SIL1: variants seen among roughly 807,000 people sequenced by gnomAD.
The protein encoded by SIL1 is SIL1 nucleotide exchange factor, also known as nucleotide exchange factor SIL1.
A neutral mutation model predicts 49.1 loss-of-function variants in SIL1; 40 were observed. The ratio of observed to expected loss-of-function variants is 0.81; its 90% CI spans 0.63 to 1.06. The LOEUF (loss-of-function observed/expected upper bound fraction) is 1.06, where lower values mean the gene tolerates loss of function less well. Ranked by LOEUF, SIL1 falls within the 50% of genes least tolerant of loss-of-function variation. The pLI, the probability that SIL1 is intolerant of heterozygous loss-of-function variation, is 0.00. For missense variants in SIL1, 500 were observed against 572.6 expected (o/e 0.87, Z 1.29); for synonymous variants, 253 against 250.8 (o/e 1.01, Z -0.08).
chr5:139,105,020 T>A (rs760982940), intron 3 of SIL1, among the ~76,000 whole-genome samples: 1 of 151,824 alleles, frequency 6.6e-6, no homozygotes, highest in Non-Finnish European at 1.5e-5. Context: ...GCACACGCAA[T>A]GAGGGGAGCA....
chr5:139,056,546 T>TG lies in SIL1; in HGVS notation c.245-5501dup, dbSNP rs1221053820. 1.3e-3 allele frequency among the ~76,000 whole-genome samples: 168 copies of TG among 124,608 alleles called. 1 individual carries two copies. Among genetic ancestry groups the TG allele is most frequent in the African/African-American group, 7.7e-4 (25 of 32,454 alleles). The allele number at this position is 124,608 out of a possible 152,430, so 81.7% of individuals were successfully genotyped here. A position where few individuals can be genotyped will look rare whatever the true frequency, so the allele number is the denominator to read the frequency against. ...CCAGCCGCCCCGTCCGGGAGGGAGGTGGGGGGGTCAGCCCCCCGACCGGCC... is the reference window on the plus strand; with the variant it reads ...CCAGCCGCCCCGTCCGGGAGGGAGGTGGGGGGGGTCAGCCCCCCGACCGGCC... On this transcript the variant is annotated intron_variant, in intron 3 of 9. Transcript: ENST00000394817.
At position 139,171,260 on chromosome 5, in the gene SIL1, G is replaced by T. The variant is rs931239095; in HGVS notation, c.-11+27009C>A. On this transcript the variant is annotated intron_variant, in intron 1 of 9. Coordinates refer to ENST00000394817, the MANE Select transcript of SIL1 (RefSeq NM_022464.5). ...AATGGCGGTTTTGTGGAATAGAAAG[G>T]GGGGAAAGGTGGGGAAAAGATTGAG... Among the ~76,000 whole-genome samples the T allele has an allele frequency of 8.3e-3, 1,260 of 152,208 alleles. 14 individuals are homozygous for T. Among genetic ancestry groups the T allele is most frequent in the African/African-American group, 0.028 (1,181 of 41,524 alleles).
At chr5:138,969,062 G>C (rs1357828822) in intron 7 of SIL1, among the ~76,000 whole-genome samples, 1 of 152,078 alleles carries the variant, frequency 6.6e-6, no homozygotes, top group Non-Finnish European at 1.5e-5. Context: ...AGGAATGTCT[G>C]TATTTGCTCA....
At position 138,947,310 on chromosome 5, in the gene SIL1, A is replaced by C; in HGVS notation, c.1193T>G (p.Leu398Arg). Residue 398 changes from leucine (L) to arginine (R), a missense_variant, in exon 10 of 10, where the codon CTG (leucine) becomes CGG (arginine). Physicochemically the swap from Leu to Arg is moderately radical, Grantham distance 102 (BLOSUM62 -2). Coordinates refer to ENST00000394817, the MANE Select transcript of SIL1 (RefSeq NM_022464.5). The surrounding 1 kb of genome is among the most constrained non-coding windows in gnomAD (Gnocchi z 4.1). ...GGTCAGGAGGACGCCCAGTGTCTGCAGCACCTTCTCACGGGCATCATGCTC... is the reference window on the plus strand; with the variant it reads ...GGTCAGGAGGACGCCCAGTGTCTGCCGCACCTTCTCACGGGCATCATGCTC... ...LPEHDAREKVLQTLGVLLTTC... is the reference protein window; with the variant it reads ...LPEHDAREKVRQTLGVLLTTC... The C allele has an allele frequency of 6.2e-7, 1 of 1,613,530 alleles. No homozygotes were observed. The highest frequency in any genetic ancestry group is 8.5e-7 in the Non-Finnish European group (1 of 1,180,030).
intron 3 of SIL1, among the ~76,000 whole-genome samples, chr5:139,114,443 G>A (rs1042738749): frequency 6.6e-6 from 1 of 152,154 alleles, no homozygotes; most frequent in Non-Finnish European, 1.5e-5. Context: ...CCCAGTACAG[G>A]ATAATTTGAA....
chr5:138,975,231 G>A (rs1364903782), intron 7 of SIL1, among the ~76,000 whole-genome samples: 2 of 152,124 alleles, frequency 1.3e-5, no homozygotes, highest in Non-Finnish European at 2.9e-5. Flanking sequence ...AATCCATTTC[G>A]AGAAATCCAG....
At chr5:138,970,527 T>C (rs147792000) in intron 7 of SIL1, among the ~76,000 whole-genome samples, 1 of 152,300 alleles carries the variant, frequency 6.6e-6, no homozygotes, top group Non-Finnish European at 1.5e-5. Flanking sequence ...CTGGGTCCCA[T>C]TATGAAGAGG....
intron 5 of SIL1, among the ~76,000 whole-genome samples, chr5:139,041,301 C>CCA (rs1561839370): frequency 2.6e-5 from 4 of 152,206 alleles, no homozygotes; most frequent in African/African-American, 9.7e-5. Context: ...TGAGTAAAGA[C>CCA]GTGGAGACTG....
intron 3 of SIL1, among the ~76,000 whole-genome samples, chr5:139,085,123 C>T (rs906185367): frequency 5.9e-5 from 9 of 151,696 alleles, no homozygotes; most frequent in Non-Finnish European, 1.2e-4. Context: ...GGCTAAGGGA[C>T]GGGGGAGTGG....
At chr5:139,197,239 G>A (rs1752292097) in intron 1 of SIL1, among the ~76,000 whole-genome samples, 1 of 124,122 alleles carries the variant, frequency 8.1e-6, no homozygotes, top group South Asian at 2.6e-4. Flanking sequence ...TTGCACTCCA[G>A]CCTGAGAAAC....
chr5:138,952,798 G>A (rs1194953897), intron 7 of SIL1, among the ~76,000 whole-genome samples: 4 of 152,262 alleles, frequency 2.6e-5, no homozygotes, highest in East Asian at 1.9e-4. Flanking sequence ...GGGGCCTGGC[G>A]GGGACCCCCA....
chr5:139,021,514 G>C (rs1326108037), intron 6 of SIL1, among the ~76,000 whole-genome samples: 6 of 152,180 alleles, frequency 3.9e-5, no homozygotes, highest in Non-Finnish European at 8.8e-5. Context: ...ACCTGCGTGG[G>C]AATCAGCAGA....
chr5:138,997,046 C>T (rs1767885777), intron 7 of SIL1, among the ~76,000 whole-genome samples: 1 of 152,132 alleles, frequency 6.6e-6, no homozygotes, highest in South Asian at 2.1e-4. Context: ...AATCCTCCTG[C>T]CTCACCTTCC....
intron 1 of SIL1, among the ~76,000 whole-genome samples, chr5:139,182,176 T>C (rs1445517211): frequency 6.6e-6 from 1 of 152,158 alleles, no homozygotes; most frequent in Non-Finnish European, 1.5e-5. Context: ...GCTGCTCTCA[T>C]TGCTTGGGAG....
chr5:139,169,824 CCCCTCTCCCCTCT>C (rs942540242), intron 1 of SIL1, among the ~76,000 whole-genome samples: 3 of 144,514 alleles, frequency 2.1e-5, no homozygotes, highest in African/African-American at 8.0e-5. Flanking sequence ...TACTCCCTCT[CCCCTCTCCCCTCT>C]CCCTCTCCCC....
At chr5:139,109,686 AGG>A (rs1435977410) in intron 3 of SIL1, among the ~76,000 whole-genome samples, 2 of 139,534 alleles carry the variant, frequency 1.4e-5, no homozygotes, top group Non-Finnish European at 3.1e-5. Context: ...ACCTAGCACA[AGG>A]GGATGTTAAA....
chr5:139,107,890 G>A (rs1446337346), intron 3 of SIL1: 3 of 152,282 alleles, frequency 2.0e-5, no homozygotes, highest in Non-Finnish European at 4.4e-5. Flanking sequence ...CTATTTTACA[G>A]AGAGGGATAG....
intron 7 of SIL1, chr5:139,012,869 A>C (rs982396024): frequency 1.3e-5 from 2 of 152,260 alleles, no homozygotes; most frequent in Admixed American, 1.3e-4. Context: ...GCTAGACAGG[A>C]GGCTGAGGCA....
Position 139,121,057 on chromosome 5 carries a change from A to G in SIL1, c.222T>C (p.His74=), listed in dbSNP as rs761973987. The change falls in exon 3 of 10, where the codon CAT becomes CAC. Residue 74 remains histidine (H), a synonymous_variant. Coordinates refer to ENST00000394817, the MANE Select transcript of SIL1 (RefSeq NM_022464.5). ...TACCTGGCTGAAGGGCCTGCCACTCATGCGTCGGGTGGAACACCTCCAGGA... is the reference window on the plus strand; with the variant it reads ...TACCTGGCTGAAGGGCCTGCCACTCGTGCGTCGGGTGGAACACCTCCAGGA... The part of the protein sequence containing the change: ...AEVLEVFHPT[H]EWQALQPGQA... 2 of 1,614,124 alleles carry G rather than the reference A, an allele frequency of 1.2e-6. No homozygotes were observed. The highest frequency in any genetic ancestry group is 3.3e-5 in the Admixed American group (2 of 60,014).
Sources: allele counts gnomAD v4.1 joint callset (sites outside exome capture counted in the v4.1 genomes callset), GRCh38; gene constraint gnomAD v4.1.1; non-coding constraint Gnocchi (gnomAD v3.1); transcripts MANE v1.5; gene names NCBI Gene and HGNC (gene_info 2026-07-23, HGNC 2026-07-21).